DSE: variants seen among roughly 807,000 people sequenced by gnomAD.
DSE encodes dermatan sulfate epimerase.
A neutral mutation model predicts 84.4 loss-of-function variants in DSE; 36 were observed. The ratio of observed to expected loss-of-function variants is 0.43; its 90% CI spans 0.33 to 0.56. The LOEUF (loss-of-function observed/expected upper bound fraction) is 0.56. Ranked by LOEUF, DSE falls within the 20% of genes least tolerant of loss-of-function variation. The probability of loss-of-function intolerance (pLI) is 0.06; values close to 1 mark genes in which losing one functional copy is unlikely to be tolerated. For synonymous variants in DSE, 410 were observed against 430.1 expected, an observed-to-expected ratio of 0.95 and a Z score of 0.58; for missense variants, 862 against 1,169.6, an observed-to-expected ratio of 0.74 and a Z score of 3.84.
At chr6:116,284,125 T>C (rs1773723457) in intron 2 of DSE, among the ~76,000 whole-genome samples, 2 of 152,114 alleles carry the variant, frequency 1.3e-5, no homozygotes, top group African/African-American at 4.8e-5. Flanking sequence ...AACCCTGAGG[T>C]TTTTCTCCAT....
At chr6:116,415,943 G>A (rs1583202432) in intron 2 of DSE, among the ~76,000 whole-genome samples, 2 of 152,186 alleles carry the variant, frequency 1.3e-5, no homozygotes, top group South Asian at 4.1e-4. Context: ...TTACAGTTTT[G>A]TAGAAGTGTA....
Position 116,284,391 on chromosome 6 carries a change from G to A in DSE, c.-54+25424G>A, listed in dbSNP as rs146542261. On this transcript the variant is annotated intron_variant, in intron 2 of 3. Coordinates refer to the DSE transcript ENST00000430252. ...TCGTGTTACTCAATAGGAAACTGAG[G>A]CAAAGAGAGACTGTCACTTGGCCAA... Among the ~76,000 whole-genome samples, 7 of 152,230 alleles carry A rather than the reference G, an allele frequency of 4.6e-5. No homozygotes were observed. The East Asian group carries it at 1.3e-3, about 29-fold the overall frequency.
intron 5 of DSE, among the ~76,000 whole-genome samples, chr6:116,435,105 G>GA (rs1219711114): frequency 6.6e-6 from 1 of 151,806 alleles, no homozygotes; most frequent in Non-Finnish European, 1.5e-5. Flanking sequence ...TTTTTTCAAG[G>GA]AAAAAAATCT....
upstream of DSE, chr6:116,366,535 G>A (rs555691285): frequency 1.3e-5 from 2 of 152,236 alleles, no homozygotes; most frequent in East Asian, 1.9e-4. Flanking sequence ...TAATTTCAGA[G>A]AACAATATTA....
intron 1 of DSE, 89 bp from the exon 2 acceptor site, chr6:116,399,109 A>T (rs115024541): frequency 9.7e-7 from 1 of 1,034,412 alleles, no homozygotes; most frequent in Non-Finnish European, 1.4e-6. Flanking sequence ...CTTTATTTTC[A>T]CATATGGTTT....
chr6:116,306,460 C>T (rs952244312), intron 2 of DSE, among the ~76,000 whole-genome samples: 1 of 152,078 alleles, frequency 6.6e-6, no homozygotes, highest in Non-Finnish European at 1.5e-5. Context: ...TCACTTTTTG[C>T]TTTCTCTAAG....
intron 1 of DSE, among the ~76,000 whole-genome samples, chr6:116,390,442 A>T (rs1373201844): frequency 6.6e-6 from 1 of 152,126 alleles, no homozygotes; most frequent in Non-Finnish European, 1.5e-5. Flanking sequence ...CTTATCCCCA[A>T]CTTGGGTAAG....
At chr6:116,348,132 A>C (rs1235713678) in intron 2 of DSE, among the ~76,000 whole-genome samples, 1 of 152,234 alleles carries the variant, frequency 6.6e-6, no homozygotes, top group African/African-American at 2.4e-5. Flanking sequence ...CAATCATTAA[A>C]AAGTCAAGAA....
chr6:116,288,787 T>G (rs1774093575), intron 2 of DSE, among the ~76,000 whole-genome samples: 3 of 152,056 alleles, frequency 2.0e-5, no homozygotes, highest in Admixed American at 2.0e-4. Flanking sequence ...TGGACAACAT[T>G]ATTCTAGACA....
At chr6:116,285,754 C>T (rs1231971872) in intron 2 of DSE, among the ~76,000 whole-genome samples, 1 of 152,132 alleles carries the variant, frequency 6.6e-6, no homozygotes, top group Non-Finnish European at 1.5e-5. Flanking sequence ...GCCAGTTTTC[C>T]CAACACCAGT....
upstream of DSE, among the ~76,000 whole-genome samples, chr6:116,368,557 C>CTAAA (rs1464840245): frequency 6.6e-6 from 1 of 152,192 alleles, no homozygotes; most frequent in Admixed American, 6.5e-5. Flanking sequence ...GATTCTCCAA[C>CTAAA]TAAACTTTTA....
chr6:116,437,225 A>T lies in DSE; in HGVS notation c.2757A>T (p.Gln919His). 6.2e-7 allele frequency: 1 copy of T among 1,614,104 alleles called. No homozygotes were observed. The highest frequency in any genetic ancestry group is 8.5e-7 in the Non-Finnish European group (1 of 1,180,004). The change falls in exon 6 of 6, where the codon CAA becomes CAT. Residue 919 changes from glutamine to histidine, a missense_variant. By Grantham distance (24) the Gln-to-His change is conservative. Around this residue, in one of 4 missense-constraint regions of DSE, gnomAD observed 315 missense variants for 348.1 expected, o/e 0.90. Coordinates refer to ENST00000644252, the MANE Select transcript of DSE (RefSeq NM_013352.4). ...TTTTCTTTGTCATGTTGGCAATGCA[A>T]CTGACTTATTTCCAGAGGGCCCAGA... ...IAIFFVMLAM[Q>H]LTYFQRAQSL...
chr6:116,327,573 T>G (rs1347607776), intron 2 of DSE, among the ~76,000 whole-genome samples: 1 of 152,072 alleles, frequency 6.6e-6, no homozygotes, highest in Non-Finnish European at 1.5e-5. Flanking sequence ...ACAGCTGGAG[T>G]CCAGGGGTTA....
At chr6:116,290,420 G>A (rs1246032093) in intron 2 of DSE, among the ~76,000 whole-genome samples, 2 of 152,062 alleles carry the variant, frequency 1.3e-5, no homozygotes, top group African/African-American at 4.8e-5. Flanking sequence ...TAGGAGTTAA[G>A]TGCCCTCAGG....
rs1472549524 is a variant in DSE at position 116,441,636 on chromosome 6, TGTG to T, written c.*4295_*4297del. 1.3e-4 allele frequency: 20 copies of T among 152,320 alleles called. 1 individual carries two copies. In the South Asian group the frequency reaches 3.9e-3, roughly 30 times the overall value. 9.4% of individuals were successfully genotyped at this position (152,320 alleles called of 1,614,324 possible). On this transcript the variant is annotated 3_prime_UTR_variant, in exon 6 of 6. Transcript: ENST00000644252. Reference sequence around the variant, plus strand: ...GGGAAGAGGAGGCCATAATTTTAAATGTGGTGATCAGGTTAGGCTTTATTGATG... The same window carrying T: ...GGGAAGAGGAGGCCATAATTTTAAATGTGATCAGGTTAGGCTTTATTGATG...
rs186203956 is a variant in DSE at position 116,281,181 on chromosome 6, G to A, written c.-54+22214G>A. On this transcript the variant is annotated intron_variant, in intron 2 of 3. Coordinates refer to the DSE transcript ENST00000430252. Reference sequence around the variant, plus strand: ...TGGTGGAGAATAGGTGTGGGAGGGAGGAAAGGGAAATCGCTATGTTGCTGG... The same window carrying A: ...TGGTGGAGAATAGGTGTGGGAGGGAAGAAAGGGAAATCGCTATGTTGCTGG... Among the ~76,000 whole-genome samples the A allele has an allele frequency of 1.5e-3, 222 of 152,242 alleles. 1 individual carries two copies. Among genetic ancestry groups the A allele is most frequent in the African/African-American group, 5.1e-3 (212 of 41,532 alleles).
intron 2 of DSE, among the ~76,000 whole-genome samples, chr6:116,322,324 T>C (rs976443413): frequency 1.3e-5 from 2 of 152,168 alleles, no homozygotes; most frequent in African/African-American, 4.8e-5. Context: ...TTTTAGTTTT[T>C]ACTTTTTCTT....
intron 2 of DSE, among the ~76,000 whole-genome samples, chr6:116,275,290 C>T (rs948799312): frequency 3.3e-5 from 5 of 152,154 alleles, no homozygotes; most frequent in Admixed American, 3.3e-4. Context: ...TTAAGTAGTG[C>T]TCTGTTAAAA....
rs1425741239 is a variant in DSE, at chr6:116,437,158, C to T, written c.2690C>T (p.Ser897Phe). ...TTTHSRAPSL[S>F]ASYTRLFLIL... The stretch of plus-strand genomic sequence containing the variant: ...ACACACAGCAGGGCCCCATCACTGT[C>T]TGCTTCCTATACCAGGTTGTTCCTG... Residue 897 changes from serine (S) to phenylalanine (F), a missense_variant, in exon 6 of 6, where the codon TCT becomes TTT. Transcript: ENST00000644252. 6.2e-7 allele frequency: 1 copy of T among 1,614,058 alleles called. No homozygotes were observed. The highest frequency in any genetic ancestry group is 8.5e-7 in the Non-Finnish European group (1 of 1,180,018).
Sources: gnomAD v4.1 joint callset for allele counts (sites outside exome capture counted in the v4.1 genomes callset) on GRCh38, gnomAD v4.1.1 for gene constraint, gnomAD v4.1.1 regional missense constraint, MANE v1.5 for transcripts, NCBI Gene and HGNC (gene_info 2026-07-23, HGNC 2026-07-21) for gene names.